Variants in KCNK2 observed in about 807,000 individuals in gnomAD.
The protein encoded by KCNK2 is potassium two pore domain channel subfamily K member 2, also known as potassium channel subfamily K member 2.
A neutral mutation model predicts 40.5 loss-of-function variants in KCNK2; 21 were observed. The ratio of observed to expected loss-of-function variants is 0.52; its 90% CI spans 0.37 to 0.75. The LOEUF (loss-of-function observed/expected upper bound fraction) is 0.75, where lower values mean the gene tolerates loss of function less well. Among genes scored for constraint, KCNK2 ranks in the 30% least tolerant of loss-of-function variants. KCNK2 has a pLI of 0.00. For synonymous variants in KCNK2, 191 were observed against 202.2 expected (o/e 0.94, Z 0.47); for missense variants, 399 against 531.6 (o/e 0.75, Z 2.45).
chr1:215,163,403 C>T (rs1020143229), intron 3 of KCNK2, among the ~76,000 whole-genome samples: 2 of 152,062 alleles, frequency 1.3e-5, no homozygotes, highest in African/African-American at 4.8e-5. Flanking sequence ...ACTTGAATAC[C>T]CTTTATTTCT....
Position 215,083,194 on chromosome 1 carries a change from T to TTCC in KCNK2, c.-192_-191insTCC. The TTCC allele has an allele frequency of 1.8e-5, 9 of 501,814 alleles. No individual in the cohort carries two copies. Among genetic ancestry groups the TTCC allele is most frequent in the South Asian group, 6.1e-5 (3 of 49,324 alleles). The allele number at this position is 501,814 out of a possible 1,614,324, so 31.1% of individuals were successfully genotyped here. A position where few individuals can be genotyped will look rare whatever the true frequency, so the allele number is the denominator to read the frequency against. ...CCCGCGATTTCGTTTCTTCTCACGC[T>TTCC]CCCCCCCCCGCCCCCTCCCGCGTCC... On this transcript the variant is annotated 5_prime_UTR_variant, in exon 1 of 7. Coordinates refer to ENST00000444842, the MANE Select transcript of KCNK2 (RefSeq NM_001017425.3).
intron 1 of KCNK2, among the ~76,000 whole-genome samples, chr1:215,033,633 C>T (rs1375793233): frequency 6.6e-6 from 1 of 152,038 alleles, no homozygotes; most frequent in Non-Finnish European, 1.5e-5. Context: ...TCAGTAACTC[C>T]CCACCCCATT....
chr1:215,062,589 C>A (rs1571877999), intron 1 of KCNK2, among the ~76,000 whole-genome samples: 3 of 150,804 alleles, frequency 2.0e-5, no homozygotes, highest in African/African-American at 7.3e-5. Context: ...TAGATACTAT[C>A]TAAATCATTT....
chr1:215,021,253 T>C (rs574951913), intron 1 of KCNK2, among the ~76,000 whole-genome samples: 2 of 152,310 alleles, frequency 1.3e-5, no homozygotes, highest in Non-Finnish European at 2.9e-5. Flanking sequence ...TCAAGTTCCC[T>C]ATTTCATCTG....
At chr1:215,052,110 T>A (rs1658011197) in intron 1 of KCNK2, among the ~76,000 whole-genome samples, 1 of 152,056 alleles carries the variant, frequency 6.6e-6, no homozygotes, top group African/African-American at 2.4e-5. Context: ...TTATAGCAGG[T>A]GAGACAGGTG....
At chr1:215,219,694 G>T (rs1558145675) in intron 6 of KCNK2, among the ~76,000 whole-genome samples, 1 of 152,044 alleles carries the variant, frequency 6.6e-6, no homozygotes, top group Non-Finnish European at 1.5e-5. Context: ...AAGGCATTTT[G>T]AGATTTTATG....
At chr1:215,166,520 T>C (rs1663453519) in intron 3 of KCNK2, among the ~76,000 whole-genome samples, 1 of 152,134 alleles carries the variant, frequency 6.6e-6, no homozygotes, top group Non-Finnish European at 1.5e-5. Context: ...AACAGAGCTG[T>C]GTTACAGATA....
chr1:215,185,595 C>T (rs924019774), intron 5 of KCNK2, among the ~76,000 whole-genome samples: 1 of 152,096 alleles, frequency 6.6e-6, no homozygotes, highest in African/African-American at 2.4e-5. Flanking sequence ...AGTGAGTTTC[C>T]CATCTGGGAA....
At chr1:215,095,581 A>G (rs1475131681) in intron 2 of KCNK2, among the ~76,000 whole-genome samples, 2 of 152,080 alleles carry the variant, frequency 1.3e-5, no homozygotes, top group Non-Finnish European at 2.9e-5. Flanking sequence ...CAGAGCTTCT[A>G]TTCAGGTGAC....
chr1:215,210,747 G>C (rs1163305801), intron 6 of KCNK2, among the ~76,000 whole-genome samples: 3 of 152,062 alleles, frequency 2.0e-5, no homozygotes, highest in Non-Finnish European at 4.4e-5. Context: ...TACGGTAATA[G>C]AGATATACAG....
chr1:215,215,219 T>G (rs905767703), intron 6 of KCNK2, among the ~76,000 whole-genome samples: 1 of 151,878 alleles, frequency 6.6e-6, no homozygotes, highest in Admixed American at 6.6e-5. Context: ...TTTCAGTTAA[T>G]ACCAAATAAA....
In KCNK2 at chr1:215,154,662, A is replaced by G. The variant is rs1255665909; in HGVS notation, c.476-14537A>G. Among the ~76,000 whole-genome samples the G allele has an allele frequency of 3.9e-5, 6 of 152,100 alleles. No homozygotes were observed. In the South Asian group the frequency reaches 6.2e-4, roughly 16 times the overall value. On this transcript the variant is annotated intron_variant, in intron 3 of 6. Coordinates refer to ENST00000444842, the MANE Select transcript of KCNK2 (RefSeq NM_001017425.3). The stretch of plus-strand genomic sequence containing the variant: ...TGTCTTGAAATCTTTGCCCATGCCT[A>G]TGTCCTCAATGGTATTGCCTAGGTT...
chr1:215,042,366 G>C (rs1657600596), intron 1 of KCNK2, among the ~76,000 whole-genome samples: 1 of 152,128 alleles, frequency 6.6e-6, no homozygotes, highest in Non-Finnish European at 1.5e-5. Context: ...TGTCATTAGA[G>C]GCCCTGGATA....
chr1:215,153,280 G>T lies in KCNK2; in HGVS notation c.476-15919G>T, dbSNP rs371099460. Among the ~76,000 whole-genome samples the T allele has an allele frequency of 9.2e-5, 14 of 152,248 alleles. No homozygotes were observed. The East Asian group carries it at 2.5e-3, about 27-fold the overall frequency. On this transcript the variant is annotated intron_variant, in intron 3 of 6. Coordinates refer to ENST00000444842, the MANE Select transcript of KCNK2 (RefSeq NM_001017425.3). ...GGTTTGTCAATTTATCATTATGGGTGTCTGAAATTTCTCAGTAACTAGGTA... is the reference window on the plus strand; with the variant it reads ...GGTTTGTCAATTTATCATTATGGGTTTCTGAAATTTCTCAGTAACTAGGTA...
chr1:215,159,273 A>G (rs1190885675), intron 3 of KCNK2, among the ~76,000 whole-genome samples: 1 of 152,146 alleles, frequency 6.6e-6, no homozygotes, highest in African/African-American at 2.4e-5. Flanking sequence ...CAGTCATGGC[A>G]GATTCTTCAT....
rs117251159 is a variant in KCNK2, at chr1:215,101,764, C to T, written c.357+15086C>T. Among the ~76,000 whole-genome samples the T allele has an allele frequency of 7.6e-4, 115 of 151,952 alleles. 1 individual carries two copies. The East Asian group carries it at 0.016, about 20-fold the overall frequency. ...AGCTAAGAGTTCATATTGCCTATGA[C>T]GTAGCCATCAAAATGTCATATCTCA... is the stretch of plus-strand genomic sequence containing the variant. On this transcript the variant is annotated intron_variant, in intron 2 of 6. Transcript: ENST00000444842.
rs368104213 is a variant in KCNK2 at position 215,220,578 on chromosome 1, C to T, written c.964-14250C>T. 5.5e-4 allele frequency among the ~76,000 whole-genome samples: 84 copies of T among 152,260 alleles called. 1 individual carries two copies. Among genetic ancestry groups the T allele is most frequent in the African/African-American group, 1.9e-3 (78 of 41,542 alleles). The stretch of plus-strand genomic sequence containing the variant: ...CCAAAGCAACTGCACGGATGGCTAA[C>T]TAGTTCTGCTCCATTTCACTGCTTT... On this transcript the variant is annotated intron_variant, in intron 6 of 6. Coordinates refer to ENST00000444842, the MANE Select transcript of KCNK2 (RefSeq NM_001017425.3).
At chr1:215,173,757 A>G (rs1474843237) in intron 5 of KCNK2, among the ~76,000 whole-genome samples, 1 of 152,170 alleles carries the variant, frequency 6.6e-6, no homozygotes, top group African/African-American at 2.4e-5. Context: ...TTTTGGCTGC[A>G]TAAATGTCTT....
rs375685678 is a variant in KCNK2 at position 215,021,564 on chromosome 1, GAGACGGAAT to G, written c.34+15610_34+15618del. On this transcript the variant is annotated intron_variant, in intron 1 of 6. Coordinates refer to the KCNK2 transcript ENST00000391895. The stretch of plus-strand genomic sequence containing the variant: ...TTTTTTTTTTTTTTTTTTTTTTTTT[GAGACGGAAT>G]CTCGCTCTGTCGCCCAGGCTGGAGT... Among the ~76,000 whole-genome samples the G allele has an allele frequency of 2.2e-4, 8 of 36,822 alleles. 1 individual carries two copies. Among genetic ancestry groups the G allele is most frequent in the African/African-American group, 1.4e-3 (7 of 4,864 alleles). 24.2% of individuals were successfully genotyped at this position (36,822 alleles called of 152,430 possible). A position where few individuals can be genotyped will look rare whatever the true frequency, so the allele number is the denominator to read the frequency against.
Sources: allele counts gnomAD v4.1 joint callset (sites outside exome capture counted in the v4.1 genomes callset), GRCh38; gene constraint gnomAD v4.1.1; transcripts MANE v1.5; gene names NCBI Gene and HGNC (gene_info 2026-07-23, HGNC 2026-07-21).